Variants in DPP10 observed in about 807,000 individuals in gnomAD.
The protein encoded by DPP10 is dipeptidyl peptidase like 10, also known as inactive dipeptidyl peptidase 10.
Under a neutral mutation model 120.9 loss-of-function variants are expected in DPP10, and 33 were observed. The ratio of observed to expected loss-of-function variants is 0.27; its 90% CI spans 0.21 to 0.37. DPP10 has a LOEUF of 0.37. Ranked by LOEUF, DPP10 falls within the 10% of genes least tolerant of loss-of-function variation. DPP10 has a pLI of 1.00. For synonymous variants in DPP10, 337 were observed against 326.1 expected (o/e 1.03, Z -0.36); for missense variants, 816 against 942.8 (o/e 0.87, Z 1.76).
intron 1 of DPP10, among the ~76,000 whole-genome samples, chr2:115,272,658 A>G (rs1033213714): frequency 6.6e-6 from 1 of 152,206 alleles, no homozygotes; most frequent in Non-Finnish European, 1.5e-5. Context: ...CAACAGTTCA[A>G]ATATCCAGTT....
chr2:115,200,113 C>A (rs1024996970), intron 1 of DPP10, among the ~76,000 whole-genome samples: 2 of 152,150 alleles, frequency 1.3e-5, no homozygotes, highest in Non-Finnish European at 2.9e-5. Flanking sequence ...TTTGTTCCCC[C>A]ACACTTCATC....
chr2:115,029,921 A>C (rs749540863), intron 1 of DPP10, among the ~76,000 whole-genome samples: 1 of 152,146 alleles, frequency 6.6e-6, no homozygotes, highest in Non-Finnish European at 1.5e-5. Context: ...TTCTTTCCTT[A>C]ACTCAGGTAG....
chr2:115,092,940 CA>C (rs1709408979), intron 1 of DPP10, among the ~76,000 whole-genome samples: 1 of 152,110 alleles, frequency 6.6e-6, no homozygotes. Context: ...AAAGCTGAAA[CA>C]GTGAACCTAA....
chr2:115,581,169 A>T (rs1324375353), intron 5 of DPP10, among the ~76,000 whole-genome samples: 4 of 152,340 alleles, frequency 2.6e-5, no homozygotes, highest in Non-Finnish European at 5.9e-5. Context: ...GGAGAAGCTG[A>T]TGCACACACT....
rs1232855523 is a variant in DPP10 at position 115,843,137 on chromosome 2, A to T, written c.*792A>T. On this transcript the variant is annotated 3_prime_UTR_variant, in exon 26 of 26. Transcript: ENST00000410059. ...TGCTTTGTTTAATGAGCCAAATATG[A>T]TGAAACATTTTTTCCAATTCAAATT... 1 of 152,630 alleles carries T rather than the reference A, an allele frequency of 6.6e-6. No individual in the cohort carries two copies. Among genetic ancestry groups the T allele is most frequent in the Non-Finnish European group, 1.5e-5 (1 of 68,032 alleles). The allele number at this position is 152,630 out of a possible 1,614,324, so 9.5% of individuals were successfully genotyped here.
At chr2:115,784,724 G>A (rs1225907534) in intron 17 of DPP10, among the ~76,000 whole-genome samples, 2 of 152,088 alleles carry the variant, frequency 1.3e-5, no homozygotes, top group South Asian at 2.1e-4. Flanking sequence ...GTAGAGACGG[G>A]GTTTCTCCAG....
intron 5 of DPP10, among the ~76,000 whole-genome samples, chr2:115,638,663 C>T (rs542648337): frequency 6.6e-6 from 1 of 152,274 alleles, no homozygotes; most frequent in Non-Finnish European, 1.5e-5. Flanking sequence ...TGGATTTTGT[C>T]TCCATTGTAT....
At chr2:115,250,691 G>T (rs1013625288) in intron 1 of DPP10, among the ~76,000 whole-genome samples, 1 of 152,178 alleles carries the variant, frequency 6.6e-6, no homozygotes, top group Admixed American at 6.5e-5. Context: ...TATTTTCTAG[G>T]TTGTTACTGG....
intron 1 of DPP10, among the ~76,000 whole-genome samples, chr2:114,505,372 A>G (rs1272104011): frequency 6.6e-6 from 1 of 152,020 alleles, no homozygotes; most frequent in East Asian, 1.9e-4. Flanking sequence ...GAACAGATTC[A>G]TTTCAGCATT....
chr2:114,943,953 G>C (rs1419716751), intron 1 of DPP10, among the ~76,000 whole-genome samples: 1 of 152,146 alleles, frequency 6.6e-6, no homozygotes, highest in African/African-American at 2.4e-5. Context: ...TTCAACATAA[G>C]ATGTTATGGC....
intron 1 of DPP10, among the ~76,000 whole-genome samples, chr2:114,851,610 C>T (rs1437147084): frequency 1.3e-5 from 2 of 152,120 alleles, no homozygotes; most frequent in African/African-American, 4.8e-5. Flanking sequence ...AAACAAAATA[C>T]AATTTAAGCA....
chr2:114,796,950 A>G (rs768255745), intron 1 of DPP10, among the ~76,000 whole-genome samples: 1 of 152,214 alleles, frequency 6.6e-6, no homozygotes, highest in African/African-American at 2.4e-5. Context: ...GGAGACAGAA[A>G]TAGGTAGAGG....
intron 5 of DPP10, among the ~76,000 whole-genome samples, chr2:115,597,927 T>G (rs2149202826): frequency 6.6e-6 from 1 of 152,132 alleles, no homozygotes; most frequent in Non-Finnish European, 1.5e-5. Context: ...TCTTTCAGAT[T>G]TTTGAAAATT....
At chr2:114,938,470 G>C (rs914089478) in intron 1 of DPP10, among the ~76,000 whole-genome samples, 2 of 152,012 alleles carry the variant, frequency 1.3e-5, no homozygotes, top group Admixed American at 1.3e-4. Context: ...ACCAGAAGTG[G>C]ATTACTGAGT....
At chr2:114,486,767 T>G (rs1162998775) in intron 1 of DPP10, among the ~76,000 whole-genome samples, 1 of 152,152 alleles carries the variant, frequency 6.6e-6, no homozygotes, top group Non-Finnish European at 1.5e-5. Context: ...TTTTTTATAT[T>G]GTTTTCCAAA....
chr2:115,101,400 G>A (rs746598735), intron 1 of DPP10, among the ~76,000 whole-genome samples: 4 of 152,294 alleles, frequency 2.6e-5, no homozygotes, highest in Non-Finnish European at 5.9e-5. Flanking sequence ...GAGGTGGCAT[G>A]ATCTTGGACC....
intron 1 of DPP10, among the ~76,000 whole-genome samples, chr2:114,763,647 T>G (rs1208267199): frequency 6.6e-6 from 1 of 152,198 alleles, no homozygotes; most frequent in Non-Finnish European, 1.5e-5. Flanking sequence ...AATCTGGTAG[T>G]GTTAATAAAG....
intron 3 of DPP10, among the ~76,000 whole-genome samples, chr2:115,372,593 A>G (rs140951627): frequency 9.2e-5 from 14 of 152,318 alleles, no homozygotes; most frequent in African/African-American, 1.4e-4. Context: ...TGGGACTATC[A>G]CACACCCAGG....
chr2:115,059,765 G>C (rs1230621192), intron 1 of DPP10, among the ~76,000 whole-genome samples: 2 of 149,214 alleles, frequency 1.3e-5, no homozygotes, highest in Non-Finnish European at 3.0e-5. Context: ...GATAAAAACA[G>C]CTTCCTGATA....
Sources: gnomAD v4.1 joint callset for allele counts (sites outside exome capture counted in the v4.1 genomes callset) on GRCh38, gnomAD v4.1.1 for gene constraint, MANE v1.5 for transcripts, NCBI Gene and HGNC (gene_info 2026-07-23, HGNC 2026-07-21) for gene names.